LVRN: variants seen among roughly 807,000 people sequenced by gnomAD.
LVRN encodes the protein aminopeptidase Q.
In LVRN, 99 loss-of-function variants were observed where a neutral mutation model predicts 111.4. The observed-to-expected ratio is 0.89, with a 90% confidence interval of 0.76 to 1.05. LVRN has a LOEUF of 1.05. Among genes scored for constraint, LVRN ranks in the 50% least tolerant of loss-of-function variants. The probability of loss-of-function intolerance (pLI) is 0.00; values close to 1 mark genes in which losing one functional copy is unlikely to be tolerated. For synonymous variants in LVRN, 488 were observed against 449.5 expected, an observed-to-expected ratio of 1.09 and a Z score of -1.08; for missense variants, 1,414 against 1,206.8, an observed-to-expected ratio of 1.17 and a Z score of -2.54.
chr5:116,013,985 A>G (rs7732824), intron 15 of LVRN, among the ~76,000 whole-genome samples: 9,553 of 152,284 alleles, frequency 0.063, 475 homozygotes, highest in East Asian at 0.24. Flanking sequence ...GAGAGAAATG[A>G]ACTATTCCCT....
In LVRN at chr5:116,015,329, T is replaced by C; in HGVS notation, c.2528T>C (p.Leu843Ser). 2 of 1,612,650 alleles carry C rather than the reference T, an allele frequency of 1.2e-6. No homozygotes were observed. The highest frequency in any genetic ancestry group is 3.3e-5 in the Admixed American group (2 of 59,890). Residue 843 changes from leucine to serine, a missense_variant, in exon 17 of 20, where the codon TTA (leucine) becomes TCA (serine). Transcript: ENST00000357872. ...AGTGATAAAGAGTGGGACATCTTGT[T>C]AAATACTTACACTAATACAACAAAC... ...LGSDKEWDIL[L>S]NTYTNTTNKE...
chr5:115,975,849 A>G (rs975419157), intron 1 of LVRN: 1 of 153,740 alleles, frequency 6.5e-6, no homozygotes, highest in African/African-American at 2.4e-5. Flanking sequence ...GGTTTTCTCA[A>G]TTGGTTTTTA....
In LVRN at chr5:115,963,174, A is replaced by C; in HGVS notation, c.557A>C (p.Glu186Ala). The stretch of plus-strand genomic sequence containing the variant: ...GACGTGTGGTTCGCGCTGGACACGG[A>C]ATACATGGTGCTGGAGCTCAGTGAG... ...VDDVWFALDT[E>A]YMVLELSEPL... The change falls in exon 1 of 20, where the codon GAA becomes GCA. Residue 186 changes from glutamate (E) to alanine (A), a missense_variant. Transcript: ENST00000357872. 2 of 1,612,984 alleles carry C rather than the reference A, an allele frequency of 1.2e-6. No homozygotes were observed. Among genetic ancestry groups the C allele is most frequent in the Non-Finnish European group, 8.5e-7 (1 of 1,179,800 alleles).
Position 115,966,414 on chromosome 5 carries a change from T to C in LVRN, c.695+3102T>C, listed in dbSNP as rs553060032. Among the ~76,000 whole-genome samples the C allele has an allele frequency of 2.5e-4, 38 of 152,398 alleles. No individual in the cohort carries two copies. The South Asian group carries it at 5.4e-3, about 22-fold the overall frequency. ...TATTGCTAAGTACTATTCCATGGTA[T>C]GGATGTATGAAAGTTTATTTAGTCA... On this transcript the variant is annotated intron_variant, in intron 1 of 19. Transcript: ENST00000357872.
intron 10 of LVRN, among the ~76,000 whole-genome samples, 170 bp from the exon 11 acceptor site, chr5:116,002,665 G>T (rs1359149709): frequency 6.6e-6 from 1 of 152,192 alleles, no homozygotes; most frequent in Admixed American, 6.5e-5. Flanking sequence ...AGTAAAACTG[G>T]CTTGTAAAAA....
At position 116,001,237 on chromosome 5, in the gene LVRN, C is replaced by T. The variant is rs779718799; in HGVS notation, c.1818C>T (p.Ser606=). The T allele has an allele frequency of 2.5e-6, 4 of 1,612,608 alleles. No individual in the cohort carries two copies. The highest frequency in any genetic ancestry group is 2.5e-6 in the Non-Finnish European group (3 of 1,179,608). ...TTAAAAATCGGACTCTTCTAACCAGCAAGTAGGTAGCTTTGCTCCTCTTTG... is the reference window on the plus strand; with the variant it reads ...TTAAAAATCGGACTCTTCTAACCAGTAAGTAGGTAGCTTTGCTCCTCTTTG... ...ENIKNRTLLT[S]NDTWIVPILW... Residue 606 remains serine, a splice_region_variant and synonymous_variant, in exon 10 of 20, where the codon AGC becomes AGT. Coordinates refer to ENST00000357872, the MANE Select transcript of LVRN (RefSeq NM_173800.5).
chr5:115,992,071 C>A, intron 4 of LVRN, 52 bp from the exon 5 acceptor site: 18 of 1,499,522 alleles, frequency 1.2e-5, no homozygotes, highest in South Asian at 1.3e-5. Context: ...TTAAAAAATC[C>A]CATTTTTTGG....
chr5:116,000,834 C>T (rs1748222619), intron 9 of LVRN, among the ~76,000 whole-genome samples, 176 bp downstream of exon 9: 1 of 152,066 alleles, frequency 6.6e-6, no homozygotes, highest in Non-Finnish European at 1.5e-5. Context: ...GTGCCCAGAA[C>T]AGAGCATGGA....
chr5:116,001,789 T>G (rs1376728597), intron 10 of LVRN, among the ~76,000 whole-genome samples: 2 of 152,182 alleles, frequency 1.3e-5, no homozygotes, highest in African/African-American at 4.8e-5. Flanking sequence ...AATATTGACT[T>G]CTCAAAAATT....
At chr5:116,010,241 C>T (rs1748456342) in intron 13 of LVRN, among the ~76,000 whole-genome samples, 1 of 152,148 alleles carries the variant, frequency 6.6e-6, no homozygotes, top group Non-Finnish European at 1.5e-5. Context: ...ATAGTGTAAA[C>T]ATAACTTTTA....
At position 115,963,287 on chromosome 5, in the gene LVRN, G is replaced by A; in HGVS notation, c.670G>A (p.Val224Ile). 6.2e-7 allele frequency: 1 copy of A among 1,611,104 alleles called. No individual in the cohort carries two copies. The highest frequency in any genetic ancestry group is 8.5e-7 in the Non-Finnish European group (1 of 1,179,090). Residue 224 changes from valine to isoleucine, a missense_variant, in exon 1 of 20, where the codon GTC (valine) becomes ATC (isoleucine). Val to Ile is a conservative substitution (Grantham distance 29). Transcript: ENST00000357872. The stretch of plus-strand genomic sequence containing the variant: ...CCTCAGGGAGGGACTCTTCCTCAAC[G>A]TCTACACCGACCAGGGCGAGCGCAG... ...EDLREGLFLNVYTDQGERRAL... is the reference protein window; with the variant it reads ...EDLREGLFLNIYTDQGERRAL...
intron 4 of LVRN, among the ~76,000 whole-genome samples, chr5:115,990,034 C>T (rs1022133733): frequency 6.6e-6 from 1 of 152,140 alleles, no homozygotes; most frequent in Non-Finnish European, 1.5e-5. Context: ...CTGTGTTGTT[C>T]TCTTAGCTAA....
rs1748217499 is a variant in LVRN, at chr5:116,000,609, T to G, written c.1598T>G (p.Phe533Cys). Residue 533 changes from phenylalanine to cysteine, a missense_variant, in exon 9 of 20, where the codon TTT becomes TGT. Coordinates refer to ENST00000357872, the MANE Select transcript of LVRN (RefSeq NM_173800.5). ...VSALKSYLKTFSYSNAEQDDL... is the reference protein window; with the variant it reads ...VSALKSYLKTCSYSNAEQDDL... ...TTTTTACAGTCATATTTGAAGACAT[T>G]TTCCTACTCAAACGCTGAGCAAGAT... 1.2e-6 allele frequency: 2 copies of G among 1,613,950 alleles called. No individual in the cohort carries two copies. Among genetic ancestry groups the G allele is most frequent in the Non-Finnish European group, 1.7e-6 (2 of 1,179,942 alleles).
intron 18 of LVRN, among the ~76,000 whole-genome samples, chr5:116,018,828 T>C (rs565563599): frequency 6.6e-6 from 1 of 152,214 alleles, no homozygotes; most frequent in African/African-American, 2.4e-5. Flanking sequence ...AAGTGACTTT[T>C]CAGTTGATTT....
At chr5:116,025,780 T>C (rs1467858016) in intron 19 of LVRN, among the ~76,000 whole-genome samples, 198 bp from the exon 20 acceptor site, 2 of 152,206 alleles carry the variant, frequency 1.3e-5, no homozygotes, top group Non-Finnish European at 2.9e-5. Context: ...ATCTGCTTCT[T>C]TGGGGTAGGT....
At chr5:115,992,013 A>G (rs1748002481) in intron 4 of LVRN, 110 bp from the exon 5 acceptor site, 5 of 1,044,940 alleles carry the variant, frequency 4.8e-6, no homozygotes, top group Non-Finnish European at 6.8e-6. Flanking sequence ...CAGGTTATAA[A>G]TATTCCCTTG....
chr5:116,014,599 T>G (rs1424751045), intron 16 of LVRN, 72 bp downstream of exon 16: 3 of 1,218,154 alleles, frequency 2.5e-6, no homozygotes, highest in Non-Finnish European at 3.6e-6. Flanking sequence ...TTTGATGTAC[T>G]CACTGTGGGA....
Position 116,001,121 on chromosome 5 carries a change from G to C in LVRN, c.1702G>C (p.Asp568His). Residue 568 changes from aspartate to histidine, a missense_variant, in exon 10 of 20, where the codon GAC becomes CAC. Transcript: ENST00000357872. Reference protein sequence around the residue: ...ILPATIKNIMDSWTHQSGFPV... With the variant: ...ILPATIKNIMHSWTHQSGFPV... ...GCCAGCAACAATAAAAAACATAATGGACAGTTGGACACACCAGAGTGGTTT... is the reference window on the plus strand; with the variant it reads ...GCCAGCAACAATAAAAAACATAATGCACAGTTGGACACACCAGAGTGGTTT... 1 of 1,612,600 alleles carries C rather than the reference G, an allele frequency of 6.2e-7. No homozygotes were observed.
chr5:116,007,719 T>C (rs1474557896), intron 13 of LVRN, among the ~76,000 whole-genome samples: 1 of 152,224 alleles, frequency 6.6e-6, no homozygotes, highest in Non-Finnish European at 1.5e-5. Context: ...ATATTGCATT[T>C]GTTACAAATT....
Sources: gnomAD v4.1 joint callset for allele counts (sites outside exome capture counted in the v4.1 genomes callset) on GRCh38, gnomAD v4.1.1 for gene constraint, MANE v1.5 for transcripts, NCBI Gene and HGNC (gene_info 2026-07-23, HGNC 2026-07-21) for gene names.